BFAR: variants seen among roughly 807,000 people sequenced by gnomAD.
BFAR encodes bifunctional apoptosis regulator, also known as RING finger protein 47.
BFAR carries 52 observed loss-of-function variants against 54.4 expected under a neutral mutation model. That is an observed-to-expected ratio of 0.96 (90% confidence interval 0.77 to 1.21). The LOEUF (loss-of-function observed/expected upper bound fraction) is 1.21, where lower values mean the gene tolerates loss of function less well. BFAR is among the 50% of genes most tolerant of loss of function. BFAR has a pLI of 0.00. For missense variants in BFAR, 571 were observed against 534.0 expected (o/e 1.07, Z -0.68); for synonymous variants, 215 against 204.3 (o/e 1.05, Z -0.45).
At position 14,648,434 on chromosome 16, in the gene BFAR, G is replaced by A; in HGVS notation, c.310G>A (p.Glu104Lys). 6.2e-7 allele frequency: 1 copy of A among 1,613,736 alleles called. No individual in the cohort carries two copies. The highest frequency in any genetic ancestry group is 8.5e-7 in the Non-Finnish European group (1 of 1,179,776). The change falls in exon 3 of 8, where the codon GAA becomes AAA. Residue 104 changes from glutamate to lysine, a missense_variant. Glu to Lys is a moderately conservative substitution (Grantham distance 56). Transcript: ENST00000261658. The stretch of plus-strand genomic sequence containing the variant: ...TCCTGATGCCATTAGACTGAGATTT[G>A]AAGACATTCAGCAGAATAATGACAT... ...LFPDAIRLRFEDIQQNNDIVQ... is the reference protein window; with the variant it reads ...LFPDAIRLRFKDIQQNNDIVQ...
chr16:14,645,288 C>A (rs565902631), intron 2 of BFAR, among the ~76,000 whole-genome samples: 52 of 151,610 alleles, frequency 3.4e-4, no homozygotes, highest in African/African-American at 1.2e-3. Flanking sequence ...CCAGCCTGGG[C>A]AACAGAGCAA....
chr16:14,657,914 A>C (rs367839053), intron 5 of BFAR, among the ~76,000 whole-genome samples: 1 of 152,040 alleles, frequency 6.6e-6, no homozygotes. Context: ...TTTGAAATGG[A>C]GTCTCACCAT....
intron 3 of BFAR, among the ~76,000 whole-genome samples, chr16:14,649,595 T>C (rs934883377): frequency 1.3e-5 from 2 of 152,110 alleles, no homozygotes; most frequent in African/African-American, 4.8e-5. Context: ...TGCCACGCAA[T>C]CAGCAGAGAG....
At chr16:14,658,359 C>G (rs1960187557) in intron 5 of BFAR, among the ~76,000 whole-genome samples, 1 of 152,122 alleles carries the variant, frequency 6.6e-6, no homozygotes, top group African/African-American at 2.4e-5. Flanking sequence ...GCTATCTTGT[C>G]TGCTCCTTAC....
In BFAR at chr16:14,669,174, C is replaced by A; in HGVS notation, c.*1347C>A. ...GAGTGAAAATTTTACTCAAAAGTTG[C>A]ATCTGGAAGTTCGAAGAAATTACTT... is the stretch of plus-strand genomic sequence containing the variant. On this transcript the variant is annotated 3_prime_UTR_variant, in exon 8 of 8. Transcript: ENST00000261658. The A allele has an allele frequency of 2.9e-6, 1 of 340,804 alleles. No individual in the cohort carries two copies. The highest frequency in any genetic ancestry group is 6.1e-6 in the Non-Finnish European group (1 of 164,784). 21.1% of individuals were successfully genotyped at this position (340,804 alleles called of 1,614,324 possible).
rs77004428 is a variant in BFAR at position 14,639,193 on chromosome 16, G to C, written c.-73-5081G>C. 2.9e-3 allele frequency among the ~76,000 whole-genome samples: 439 copies of C among 152,210 alleles called. 2 individuals carry two copies. The highest frequency in any genetic ancestry group is 9.8e-3 in the African/African-American group (406 of 41,528). On this transcript the variant is annotated intron_variant, in intron 1 of 7. Transcript: ENST00000261658. ...CGGGTTTCACCATGTTGCCCAGGCT[G>C]GCAGGCTGGTAGGCTGGTCTCCAAC...
rs192240241 is a variant in BFAR, at chr16:14,664,850, C to A, written c.958-19C>A. The A allele has an allele frequency of 1.2e-5, 20 of 1,604,434 alleles. No homozygotes were observed. In the East Asian group the frequency reaches 4.0e-4, roughly 32 times the overall value. On this transcript the variant is annotated intron_variant, in intron 6 of 7. Transcript: ENST00000261658. The stretch of plus-strand genomic sequence containing the variant: ...AGTCAGTCCTCATGACTTTTTGCGT[C>A]TGTGTGTTATTTTTTAAGGATCTTA...
At chr16:14,645,670 C>G (rs1959771120) in intron 2 of BFAR, among the ~76,000 whole-genome samples, 1 of 152,116 alleles carries the variant, frequency 6.6e-6, no homozygotes, top group Non-Finnish European at 1.5e-5. Flanking sequence ...ACCTGTCAGT[C>G]TTGATTTAGC....
chr16:14,641,503 A>T (rs976575983), intron 1 of BFAR, among the ~76,000 whole-genome samples: 2 of 151,044 alleles, frequency 1.3e-5, no homozygotes, highest in African/African-American at 4.9e-5. Flanking sequence ...GTGAGTGGAG[A>T]TCGCGCCCCT....
chr16:14,664,125 C>T (rs755940459), intron 6 of BFAR, among the ~76,000 whole-genome samples: 4 of 151,926 alleles, frequency 2.6e-5, no homozygotes, highest in Non-Finnish European at 5.9e-5. Context: ...CACCTTTAAT[C>T]CCAGAAGCAC....
intron 6 of BFAR, among the ~76,000 whole-genome samples, chr16:14,664,154 T>C (rs1960370414): frequency 6.6e-6 from 1 of 152,032 alleles, no homozygotes; most frequent in Admixed American, 6.6e-5. Flanking sequence ...TCTTGGATGG[T>C]AGCGAGACAA....
chr16:14,647,294 A>G (rs1959828012), intron 2 of BFAR, among the ~76,000 whole-genome samples: 1 of 151,954 alleles, frequency 6.6e-6, no homozygotes, highest in Non-Finnish European at 1.5e-5. Flanking sequence ...CATGTTGGCC[A>G]GGCTGGTCTG....
rs1960394423 is a variant in BFAR, at chr16:14,664,860, T to C, written c.958-9T>C. ...CATGACTTTTTGCGTCTGTGTGTTA[T>C]TTTTTAAGGATCTTAAGGAGCCTAC... is the stretch of plus-strand genomic sequence containing the variant. On this transcript the variant is annotated splice_polypyrimidine_tract_variant and intron_variant, in intron 6 of 7. Transcript: ENST00000261658. 6.2e-7 allele frequency: 1 copy of C among 1,611,222 alleles called. No homozygotes were observed. The highest frequency in any genetic ancestry group is 1.1e-5 in the South Asian group (1 of 91,016).
chr16:14,645,927 G>A (rs540952449), intron 2 of BFAR, among the ~76,000 whole-genome samples: 144 of 152,248 alleles, frequency 9.5e-4, no homozygotes, highest in Non-Finnish European at 2.8e-4. Context: ...GGAGTGCAGT[G>A]GTACGACCTT....
At chr16:14,633,641 C>A (rs915214373) in intron 1 of BFAR, among the ~76,000 whole-genome samples, 1 of 152,140 alleles carries the variant, frequency 6.6e-6, no homozygotes, top group South Asian at 2.1e-4. Context: ...ATAACTTAGG[C>A]AAAAGAGAAT....
At chr16:14,655,511 G>A (rs1441278500) in intron 5 of BFAR, among the ~76,000 whole-genome samples, 1 of 145,960 alleles carries the variant, frequency 6.9e-6, no homozygotes, top group East Asian at 2.0e-4. Context: ...CTGGCTCACT[G>A]CAACCTCCAC....
chr16:14,652,470 G>T (rs1365454898), intron 4 of BFAR, among the ~76,000 whole-genome samples: 1 of 151,320 alleles, frequency 6.6e-6, no homozygotes. Flanking sequence ...TAGTAGAGAT[G>T]GGGTTTCGCC....
At chr16:14,650,074 C>A in intron 4 of BFAR, 101 bp downstream of exon 4, 1 of 1,254,352 alleles carries the variant, frequency 8.0e-7, no homozygotes, top group Non-Finnish European at 1.1e-6. Flanking sequence ...TGGATCCCAG[C>A]ACTTTGGGAG....
intron 4 of BFAR, among the ~76,000 whole-genome samples, chr16:14,654,006 C>CTTTTTTT: frequency 8.2e-6 from 1 of 121,490 alleles, no homozygotes; most frequent in Non-Finnish European, 1.7e-5. Context: ...CATCTAAGAA[C>CTTTTTTT]TTTTTTTTTT....
Sources: gnomAD v4.1 joint callset for allele counts (sites outside exome capture counted in the v4.1 genomes callset) on GRCh38, gnomAD v4.1.1 for gene constraint, MANE v1.5 for transcripts, NCBI Gene and HGNC (gene_info 2026-07-23, HGNC 2026-07-21) for gene names.